ADAMTSL3: variants seen among roughly 807,000 people sequenced by gnomAD.
ADAMTSL3 encodes the protein ADAMTS-like protein 3.
ADAMTSL3 carries 128 observed loss-of-function variants against 201.7 expected under a neutral mutation model. The observed-to-expected ratio is 0.63, with a 90% confidence interval of 0.55 to 0.73. ADAMTSL3 has a LOEUF of 0.73. Ranked by LOEUF, ADAMTSL3 falls within the 30% of genes least tolerant of loss-of-function variation. The probability of loss-of-function intolerance (pLI) is 0.00; values close to 1 mark genes in which losing one functional copy is unlikely to be tolerated. For synonymous variants in ADAMTSL3, 738 were observed against 748.4 expected, an observed-to-expected ratio of 0.99 and a Z score of 0.23; for missense variants, 1,990 against 2,119.6, an observed-to-expected ratio of 0.94 and a Z score of 1.20.
At chr15:83,700,901 A>C (rs2061766563) in intron 2 of ADAMTSL3, among the ~76,000 whole-genome samples, 1 of 152,254 alleles carries the variant, frequency 6.6e-6, no homozygotes, top group African/African-American at 2.4e-5. Flanking sequence ...GTGCTATCTA[A>C]GCCATCTAGT....
intron 2 of ADAMTSL3, among the ~76,000 whole-genome samples, chr15:83,685,341 A>G (rs1358813508): frequency 6.6e-6 from 1 of 152,100 alleles, no homozygotes; most frequent in Non-Finnish European, 1.5e-5. Context: ...GTTTCTCTCT[A>G]GAAATATAAG....
intron 4 of ADAMTSL3, among the ~76,000 whole-genome samples, chr15:83,801,645 A>ATAT (rs2063517183): frequency 1.4e-4 from 6 of 43,902 alleles, no homozygotes; most frequent in Non-Finnish European, 9.5e-5. Context: ...TAAATATATA[A>ATAT]ATATAAATAT....
intron 4 of ADAMTSL3, among the ~76,000 whole-genome samples, chr15:83,795,888 C>G (rs531958501): frequency 3.9e-5 from 6 of 152,094 alleles, no homozygotes; most frequent in African/African-American, 1.4e-4. Context: ...TAATGACAAA[C>G]TTGCAATCCT....
At chr15:83,844,428 T>G (rs2064452754) in intron 7 of ADAMTSL3, among the ~76,000 whole-genome samples, 1 of 152,202 alleles carries the variant, frequency 6.6e-6, no homozygotes, top group Non-Finnish European at 1.5e-5. Flanking sequence ...CAAGGAAGAT[T>G]GTGTAGGATA....
intron 3 of ADAMTSL3, among the ~76,000 whole-genome samples, chr15:83,744,592 T>G (rs1345728609): frequency 6.6e-6 from 1 of 152,220 alleles, no homozygotes; most frequent in East Asian, 1.9e-4. Flanking sequence ...CTTATCATTG[T>G]TTTTATGGTG....
intron 27 of ADAMTSL3, 83 bp downstream of exon 27, chr15:84,025,519 C>T (rs2068289961): frequency 1.5e-6 from 2 of 1,366,748 alleles, no homozygotes; most frequent in Admixed American, 2.4e-5. Flanking sequence ...TTCCAATAAA[C>T]TACTTTTGGG....
chr15:83,701,744 G>A (rs965479756), intron 2 of ADAMTSL3, among the ~76,000 whole-genome samples: 2 of 152,108 alleles, frequency 1.3e-5, no homozygotes, highest in South Asian at 2.1e-4. Flanking sequence ...CAGCCATGTC[G>A]AACTGTAAGT....
At chr15:84,002,800 G>T (rs185064882) in intron 23 of ADAMTSL3, among the ~76,000 whole-genome samples, 1 of 152,264 alleles carries the variant, frequency 6.6e-6, no homozygotes, top group Admixed American at 6.5e-5. Context: ...ATGTTTGAAA[G>T]TCATGGATTC....
chr15:83,796,219 A>G lies in ADAMTSL3; in HGVS notation c.318-8431A>G, dbSNP rs980686831. ...AGTCAGTGTAGTAAGGCTAGAAAAA[A>G]AATGAAATAGAAGGATAACTCTCAT... On this transcript the variant is annotated intron_variant, in intron 4 of 29. Coordinates refer to ENST00000286744, the MANE Select transcript of ADAMTSL3 (RefSeq NM_207517.3). Among the ~76,000 whole-genome samples, 3 of 152,212 alleles carry G rather than the reference A, an allele frequency of 2.0e-5. No homozygotes were observed. In the South Asian group the frequency reaches 6.2e-4, roughly 32 times the overall value.
At chr15:83,841,722 A>T (rs1022867448) in intron 7 of ADAMTSL3, among the ~76,000 whole-genome samples, 1 of 152,020 alleles carries the variant, frequency 6.6e-6, no homozygotes, top group African/African-American at 2.4e-5. Context: ...GCCTGTGCCC[A>T]CTGGCCTGGG....
chr15:83,775,098 G>A (rs1005919656), intron 4 of ADAMTSL3, among the ~76,000 whole-genome samples: 4 of 152,022 alleles, frequency 2.6e-5, no homozygotes, highest in African/African-American at 9.7e-5. Context: ...CATCTGCCTC[G>A]GCCTCCCAAA....
chr15:83,749,485 G>A (rs369468106), intron 3 of ADAMTSL3, among the ~76,000 whole-genome samples: 3 of 152,200 alleles, frequency 2.0e-5, no homozygotes, highest in African/African-American at 7.2e-5. Context: ...GATGAGCTGT[G>A]ATGGACAGAA....
chr15:83,940,426 C>T (rs977110099), intron 17 of ADAMTSL3, among the ~76,000 whole-genome samples: 3 of 152,208 alleles, frequency 2.0e-5, no homozygotes, highest in Non-Finnish European at 4.4e-5. Flanking sequence ...CTCTTCCTGA[C>T]TTGCAGACAG....
intron 2 of ADAMTSL3, among the ~76,000 whole-genome samples, chr15:83,685,547 A>G (rs1426177222): frequency 1.3e-5 from 2 of 152,224 alleles, no homozygotes; most frequent in African/African-American, 2.4e-5. Flanking sequence ...TTGATGCCAC[A>G]AAGATTTCCT....
chr15:83,754,401 G>C (rs945092000), intron 3 of ADAMTSL3, among the ~76,000 whole-genome samples: 1 of 152,020 alleles, frequency 6.6e-6, no homozygotes, highest in Non-Finnish European at 1.5e-5. Flanking sequence ...AGCGTTCACC[G>C]GAGAGAGCTG....
intron 3 of ADAMTSL3, among the ~76,000 whole-genome samples, chr15:83,765,134 A>G (rs1482324443): frequency 6.6e-6 from 1 of 152,234 alleles, no homozygotes; most frequent in Non-Finnish European, 1.5e-5. Context: ...AGTACCTAGC[A>G]CACAGCTTTA....
At chr15:83,957,819 T>G (rs1176475597) in intron 19 of ADAMTSL3, among the ~76,000 whole-genome samples, 1 of 152,158 alleles carries the variant, frequency 6.6e-6, no homozygotes, top group Non-Finnish European at 1.5e-5. Context: ...ATTGCGTGAA[T>G]CATCAACACA....
intron 3 of ADAMTSL3, among the ~76,000 whole-genome samples, chr15:83,769,195 A>G (rs759021874): frequency 1.4e-4 from 22 of 152,184 alleles, no homozygotes; most frequent in Non-Finnish European, 2.8e-4. Flanking sequence ...AAACAAATTA[A>G]AACAGTATTG....
chr15:83,801,805 A>G (rs1303860910), intron 4 of ADAMTSL3, among the ~76,000 whole-genome samples: 2 of 149,586 alleles, frequency 1.3e-5, no homozygotes, highest in Non-Finnish European at 3.0e-5. Context: ...AGTAATCAAA[A>G]TCATAATCTG....
Sources: allele counts gnomAD v4.1 joint callset (sites outside exome capture counted in the v4.1 genomes callset), GRCh38; gene constraint gnomAD v4.1.1; transcripts MANE v1.5; gene names NCBI Gene and HGNC (gene_info 2026-07-23, HGNC 2026-07-21).